The following LRRC3B variants were observed in gnomAD, a reference collection of about 807,000 sequenced individuals.
LRRC3B encodes leucine rich repeat containing 3B, also known as leucine-rich repeat-containing protein 3B.
Under a neutral mutation model 12.8 loss-of-function variants are expected in LRRC3B, and 2 were observed. The ratio of observed to expected loss-of-function variants is 0.16; its 90% CI spans 0.06 to 0.49. The LOEUF (loss-of-function observed/expected upper bound fraction) is 0.49, where lower values mean the gene tolerates loss of function less well. LRRC3B is among the 20% of genes least tolerant of loss of function. The pLI is 0.96. For synonymous variants in LRRC3B, 132 were observed against 122.0 expected (o/e 1.08, Z -0.54); for missense variants, 189 against 319.4 (o/e 0.59, Z 3.11).
At chr3:26,636,614 T>TAA (rs79096995) in intron 1 of LRRC3B, among the ~76,000 whole-genome samples, 11 of 147,508 alleles carry the variant, frequency 7.5e-5, no homozygotes, top group African/African-American at 2.2e-4. Flanking sequence ...TTTTTTAGTG[T>TAA]AAAAAAAAAA....
rs1219757274 is a variant in LRRC3B, at chr3:26,636,976, CTCTCTCTCTT to C, written c.-161+13747_-161+13756del. Among the ~76,000 whole-genome samples the C allele has an allele frequency of 3.8e-3, 430 of 112,072 alleles. 4 individuals carry two copies. Among genetic ancestry groups the C allele is most frequent in the Admixed American group, 0.024 (257 of 10,908 alleles). 73.5% of individuals were successfully genotyped at this position (112,072 alleles called of 152,430 possible). A position where few individuals can be genotyped will look rare whatever the true frequency, so the allele number is the denominator to read the frequency against. ...TTTCTTTCTTTCTTTCTTTCTTTCT[CTCTCTCTCTT>C]TCTCTCTTTCTCTCTTTCTTTCTTT... On this transcript the variant is annotated intron_variant, in intron 1 of 1. Coordinates refer to ENST00000396641, the Ensembl canonical transcript of LRRC3B.
intron 1 of LRRC3B, among the ~76,000 whole-genome samples, chr3:26,633,602 T>C (rs984252438): frequency 2.6e-5 from 4 of 152,168 alleles, no homozygotes; most frequent in African/African-American, 4.8e-5. Context: ...ATGGTCAATT[T>C]TTCATGGAAC....
intron 1 of LRRC3B, among the ~76,000 whole-genome samples, chr3:26,680,564 G>T (rs1332545569): frequency 6.6e-6 from 1 of 152,216 alleles, no homozygotes; most frequent in East Asian, 1.9e-4. Flanking sequence ...CACCTCAGTA[G>T]TTCCCCAACG....
chr3:26,628,163 A>T (rs1698670711), intron 1 of LRRC3B, among the ~76,000 whole-genome samples: 1 of 152,198 alleles, frequency 6.6e-6, no homozygotes, highest in African/African-American at 2.4e-5. Context: ...TAAATCATAT[A>T]AATATGAGTT....
chr3:26,641,485 C>T (rs141204343), intron 1 of LRRC3B, among the ~76,000 whole-genome samples: 204 of 152,276 alleles, frequency 1.3e-3, no homozygotes, highest in East Asian at 6.8e-3. Context: ...TGGCCAACCT[C>T]GACTGGATTC....
chr3:26,663,585 T>C (rs1699538714), intron 1 of LRRC3B, among the ~76,000 whole-genome samples: 1 of 152,172 alleles, frequency 6.6e-6, no homozygotes, highest in Admixed American at 6.5e-5. Flanking sequence ...TTTTCAGCAC[T>C]GATAAAGCTT....
chr3:26,710,026 G>A lies in LRRC3B; in HGVS notation c.354G>A (p.Leu118=). The A allele has an allele frequency of 3.7e-6, 6 of 1,614,060 alleles. No homozygotes were observed. The South Asian group carries it at 6.6e-5, about 18-fold the overall frequency. ...GAGTAGCTGAAACCTTGCAGACTCT[G>A]GACTTGTCCGACAATCGGATTCAAA... Residue 118 remains leucine (L), a synonymous_variant, in exon 2 of 2, where the codon CTG becomes CTA. Transcript: ENST00000396641.
intron 1 of LRRC3B, among the ~76,000 whole-genome samples, chr3:26,658,337 C>G (rs1450498968): frequency 1.3e-5 from 2 of 152,188 alleles, no homozygotes; most frequent in Non-Finnish European, 2.9e-5. Context: ...GGATTATAGG[C>G]GTGAGCCACC....
In LRRC3B at chr3:26,709,495, T is replaced by C. The variant is rs1700694750; in HGVS notation, c.-160-18T>C. The C allele has an allele frequency of 1.6e-6, 1 of 634,196 alleles. No homozygotes were observed. The allele number at this position is 634,196 out of a possible 1,614,324, so 39.3% of individuals were successfully genotyped here. ...CCTTTGCAAAGGAACTAATTGCATCTGTTTCTCTTTCCTTTAGGTGCCCAA... is the reference window on the plus strand; with the variant it reads ...CCTTTGCAAAGGAACTAATTGCATCCGTTTCTCTTTCCTTTAGGTGCCCAA... On this transcript the variant is annotated intron_variant, in intron 1 of 1. Transcript: ENST00000396641.
intron 1 of LRRC3B, among the ~76,000 whole-genome samples, chr3:26,652,904 T>A (rs1439281855): frequency 1.3e-5 from 2 of 152,190 alleles, no homozygotes; most frequent in Admixed American, 6.5e-5. Context: ...TTCTTGTCTA[T>A]ATCCATACCT....
At chr3:26,677,030 G>C (rs1046877860) in intron 1 of LRRC3B, among the ~76,000 whole-genome samples, 1 of 152,110 alleles carries the variant, frequency 6.6e-6, no homozygotes, top group African/African-American at 2.4e-5. Flanking sequence ...AATGACACTA[G>C]TCTAGGGGTC....
At chr3:26,702,656 C>T (rs973664367) in intron 1 of LRRC3B, among the ~76,000 whole-genome samples, 1 of 151,994 alleles carries the variant, frequency 6.6e-6, no homozygotes, top group African/African-American at 2.4e-5. Flanking sequence ...CTTTTTTGAC[C>T]TGCAGGATGA....
intron 1 of LRRC3B, among the ~76,000 whole-genome samples, chr3:26,675,073 T>C (rs1347891738): frequency 6.6e-6 from 1 of 152,220 alleles, no homozygotes; most frequent in African/African-American, 2.4e-5. Context: ...TAGTCTTTCT[T>C]TGATCTTTGT....
chr3:26,706,380 G>A (rs1460255914), intron 1 of LRRC3B, among the ~76,000 whole-genome samples: 4 of 152,074 alleles, frequency 2.6e-5, no homozygotes, highest in Admixed American at 6.5e-5. Flanking sequence ...TCTGGCTGGG[G>A]GTGATGGCTC....
intron 1 of LRRC3B, among the ~76,000 whole-genome samples, chr3:26,660,101 T>C (rs1340490848): frequency 6.6e-6 from 1 of 152,168 alleles, no homozygotes; most frequent in African/African-American, 2.4e-5. Context: ...GCTCCCTTCA[T>C]AATTATATTA....
At chr3:26,653,842 T>G (rs7615531) in intron 1 of LRRC3B, among the ~76,000 whole-genome samples, 65,598 of 152,120 alleles carry the variant, frequency 0.43, 16,570 homozygotes, top group African/African-American at 0.7. Flanking sequence ...CAAAGATACC[T>G]TATTGAAAAC....
intron 1 of LRRC3B, chr3:26,694,509 T>G (rs1700261059): frequency 6.6e-6 from 1 of 152,200 alleles, no homozygotes; most frequent in Admixed American, 6.5e-5. Context: ...GAAGGTGTAT[T>G]CAGAGCTAAT....
At chr3:26,646,598 T>TAAAAAAAAAAAAAAAAA (rs529066996) in intron 1 of LRRC3B, among the ~76,000 whole-genome samples, 1 of 99,644 alleles carries the variant, frequency 1.0e-5, no homozygotes, top group Non-Finnish European at 2.1e-5. Flanking sequence ...GGATAGGAGG[T>TAAAAAAAAAAAAAAAAA]AAAAAAAAAA....
chr3:26,638,041 T>G (rs1698940128), intron 1 of LRRC3B, among the ~76,000 whole-genome samples: 1 of 152,198 alleles, frequency 6.6e-6, no homozygotes, highest in Non-Finnish European at 1.5e-5. Context: ...CTAATTTAAA[T>G]GGCAGACTTC....
Sources: allele counts gnomAD v4.1 joint callset (sites outside exome capture counted in the v4.1 genomes callset), GRCh38; gene constraint gnomAD v4.1.1; transcripts MANE v1.5; gene names NCBI Gene and HGNC (gene_info 2026-07-23, HGNC 2026-07-21).